CRACD: variants seen among roughly 807,000 people sequenced by gnomAD.
CRACD encodes capping protein inhibiting regulator of actin dynamics, also known as capping protein-inhibiting regulator of actin dynamics.
Under a neutral mutation model 106.8 loss-of-function variants are expected in CRACD, and 56 were observed. The ratio of observed to expected loss-of-function variants is 0.52; its 90% CI spans 0.42 to 0.66. The LOEUF is 0.66. Ranked by LOEUF, CRACD falls within the 30% of genes least tolerant of loss-of-function variation. The probability of loss-of-function intolerance (pLI) is 0.00; values close to 1 mark genes in which losing one functional copy is unlikely to be tolerated. For missense variants in CRACD, 1,730 were observed against 1,623.2 expected (o/e 1.07, Z -1.13); for synonymous variants, 754 against 670.8 (o/e 1.12, Z -1.92).
chr4:56,228,944 A>G (rs954760187), intron 2 of CRACD, among the ~76,000 whole-genome samples: 4 of 152,232 alleles, frequency 2.6e-5, no homozygotes, highest in African/African-American at 9.6e-5. Flanking sequence ...TATGTATTTG[A>G]CAAACGACAA....
chr4:56,310,347 C>A (rs564400350), intron 5 of CRACD, among the ~76,000 whole-genome samples: 1 of 152,244 alleles, frequency 6.6e-6, no homozygotes, highest in Non-Finnish European at 1.5e-5. Context: ...CAGCCCTGCA[C>A]CCCAGGGAAA....
rs111343153 is a variant in CRACD, at chr4:56,135,800, A to T, written c.-335-43484A>T. Reference sequence around the variant, plus strand: ...AAAGTGCAATTTAATGAGATATGACATAGGAATAGACCTAAGCTGTACTCT... The same window carrying T: ...AAAGTGCAATTTAATGAGATATGACTTAGGAATAGACCTAAGCTGTACTCT... On this transcript the variant is annotated intron_variant, in intron 1 of 10. Coordinates refer to ENST00000682029, the MANE Select transcript of CRACD (RefSeq NM_001393381.1). Among the ~76,000 whole-genome samples the T allele has an allele frequency of 3.5e-3, 532 of 152,324 alleles. 3 individuals carry two copies. Among genetic ancestry groups the T allele is most frequent in the African/African-American group, 0.012 (508 of 41,568 alleles).
intron 2 of CRACD, among the ~76,000 whole-genome samples, chr4:56,190,381 T>G (rs1401417654): frequency 6.6e-6 from 1 of 152,202 alleles, no homozygotes; most frequent in Non-Finnish European, 1.5e-5. Context: ...TGTAGATCCC[T>G]GAGGAATCGC....
At position 56,319,505 on chromosome 4, in the gene CRACD, G is replaced by A. The variant is rs1397468661; in HGVS notation, c.3187+2816G>A. Among the ~76,000 whole-genome samples the A allele has an allele frequency of 2.0e-5, 3 of 152,050 alleles. No individual in the cohort carries two copies. The East Asian group carries it at 5.8e-4, about 29-fold the overall frequency. ...TGTGGTCCCATCTACTTGGGAGGCT[G>A]AGGTGGGAGGATTGCTTGAGCCTAG... On this transcript the variant is annotated intron_variant, in intron 8 of 10. Transcript: ENST00000682029.
Position 56,314,905 on chromosome 4 carries a change from G to C in CRACD, c.1403G>C (p.Ser468Thr). The C allele has an allele frequency of 6.2e-7, 1 of 1,608,818 alleles. No individual in the cohort carries two copies. The highest frequency in any genetic ancestry group is 8.5e-7 in the Non-Finnish European group (1 of 1,178,440). The stretch of plus-strand genomic sequence containing the variant: ...CGGCGAAGAGAGCAGCAGGGAAGGA[G>C]CGGGGATTTCCAGGGGGCCGATCGT... The part of the protein sequence containing the change: ...AERRREQQGR[S>T]GDFQGADRPG... Residue 468 changes from serine (S) to threonine (T), a missense_variant, in exon 8 of 11, where the codon AGC becomes ACC. Physicochemically the swap from Ser to Thr is moderately conservative, Grantham distance 58 (BLOSUM62 1). Transcript: ENST00000682029. This position sits in a 1 kb window ranked among gnomAD's most constrained non-coding sequence, Gnocchi z 4.4.
At position 56,315,398 on chromosome 4, in the gene CRACD, C is replaced by CCCA; in HGVS notation, c.1897_1899dup (p.Pro633dup). 1.2e-6 allele frequency: 2 copies of CCCA among 1,613,038 alleles called. No individual in the cohort carries two copies. Among genetic ancestry groups the CCCA allele is most frequent in the Non-Finnish European group, 8.5e-7 (1 of 1,179,760 alleles). ...TGGAGGAGAAGAAGCACGCGGAAGC[C>CCCA]CCAGCTGGGGAGAACCCTCCCCGAG... On this transcript the variant is annotated inframe_insertion, in exon 8 of 11. Transcript: ENST00000682029. The surrounding 1 kb of genome is among the most constrained non-coding windows in gnomAD (Gnocchi z 4.1).
chr4:56,196,590 G>A (rs559414804), intron 2 of CRACD, among the ~76,000 whole-genome samples: 12 of 152,222 alleles, frequency 7.9e-5, no homozygotes, highest in East Asian at 3.9e-4. Context: ...ATAAGCAAAA[G>A]CAACAGCTAA....
At chr4:56,247,845 T>C in intron 2 of CRACD, among the ~76,000 whole-genome samples, 1 of 104,522 alleles carries the variant, frequency 9.6e-6, no homozygotes, top group African/African-American at 3.1e-5. Context: ...GACTCCATCT[T>C]ACAGAAAAAA....
chr4:56,173,056 A>T (rs1426189116), intron 1 of CRACD, among the ~76,000 whole-genome samples: 1 of 152,206 alleles, frequency 6.6e-6, no homozygotes, highest in African/African-American at 2.4e-5. Flanking sequence ...GCACCCGGCC[A>T]ACACCCAGCC....
At chr4:56,055,812 G>A (rs868705086) in intron 1 of CRACD, among the ~76,000 whole-genome samples, 23 of 152,154 alleles carry the variant, frequency 1.5e-4, no homozygotes, top group African/African-American at 4.8e-4. Context: ...TTCTGTGAGC[G>A]CATATTGTAC....
intron 1 of CRACD, among the ~76,000 whole-genome samples, chr4:56,060,285 G>A (rs914155964): frequency 3.9e-4 from 59 of 151,784 alleles, no homozygotes; most frequent in Non-Finnish European, 1.2e-4. Context: ...TAAAAATAAC[G>A]AACTCATAGT....
chr4:56,252,896 G>T (rs1382520459), intron 2 of CRACD, among the ~76,000 whole-genome samples: 1 of 152,186 alleles, frequency 6.6e-6, no homozygotes, highest in Non-Finnish European at 1.5e-5. Context: ...GGAACCCTGA[G>T]CGGTTCGTGT....
chr4:56,099,287 A>G (rs1220885453), intron 1 of CRACD, among the ~76,000 whole-genome samples: 3 of 152,080 alleles, frequency 2.0e-5, no homozygotes, highest in Non-Finnish European at 2.9e-5. Context: ...ATCTGTCATG[A>G]GTATTTGATG....
At chr4:56,101,103 C>G (rs945625689) in intron 1 of CRACD, among the ~76,000 whole-genome samples, 2 of 148,032 alleles carry the variant, frequency 1.4e-5, no homozygotes, top group Admixed American at 1.4e-4. Context: ...CTGTTGCAGT[C>G]TCCTTATTTA....
chr4:56,296,206 A>C (rs1173808175), intron 3 of CRACD, among the ~76,000 whole-genome samples: 1 of 152,130 alleles, frequency 6.6e-6, no homozygotes, highest in Non-Finnish European at 1.5e-5. Flanking sequence ...ATCTGAGTTC[A>C]GTTTCTCACT....
chr4:56,310,792 C>CA, intron 6 of CRACD, 58 bp downstream of exon 6: 1 of 937,988 alleles, frequency 1.1e-6, no homozygotes, highest in Non-Finnish European at 1.6e-6. Flanking sequence ...TTCATCTTCC[C>CA]CCCCCCTTTT....
At chr4:56,245,714 T>C (rs564066216) in intron 2 of CRACD, among the ~76,000 whole-genome samples, 2 of 152,278 alleles carry the variant, frequency 1.3e-5, no homozygotes, top group Admixed American at 1.3e-4. Flanking sequence ...TTTCCTGAAG[T>C]CAGATACAAG....
chr4:56,237,484 C>T (rs548228647), intron 2 of CRACD, among the ~76,000 whole-genome samples: 4 of 152,222 alleles, frequency 2.6e-5, no homozygotes, highest in African/African-American at 9.6e-5. Flanking sequence ...AATTTTGATT[C>T]ATGACTCACT....
intron 2 of CRACD, among the ~76,000 whole-genome samples, chr4:56,230,336 T>C (rs918820142): frequency 6.6e-6 from 1 of 152,140 alleles, no homozygotes; most frequent in African/African-American, 2.4e-5. Flanking sequence ...ATAATGAATC[T>C]TGGGTGGTGA....
Sources: allele counts gnomAD v4.1 joint callset (sites outside exome capture counted in the v4.1 genomes callset), GRCh38; gene constraint gnomAD v4.1.1; non-coding constraint Gnocchi (gnomAD v3.1); transcripts MANE v1.5; gene names NCBI Gene and HGNC (gene_info 2026-07-23, HGNC 2026-07-21).